The following IQSEC2 variants were observed in gnomAD, a reference collection of about 807,000 sequenced individuals.
IQSEC2 encodes IQ motif and Sec7 domain ArfGEF 2, also known as IQ motif and SEC7 domain-containing protein 2.
Under a neutral mutation model 74.6 loss-of-function variants are expected in IQSEC2, and 6 were observed. The ratio of observed to expected loss-of-function variants is 0.08; its 90% CI spans 0.04 to 0.16. IQSEC2 has a LOEUF of 0.16. Among genes scored for constraint, IQSEC2 ranks in the 10% least tolerant of loss-of-function variants. IQSEC2 has a pLI of 1.00. For missense variants in IQSEC2, 734 were observed against 1,306.2 expected, an observed-to-expected ratio of 0.56 and a Z score of 6.75; for synonymous variants, 494 against 544.5, an observed-to-expected ratio of 0.91 and a Z score of 1.29.
At chrX:53,253,211 G>A (rs1236442335) in intron 4 of IQSEC2, among the ~76,000 whole-genome samples, 2 of 112,114 alleles carry the variant, frequency 1.8e-5, no homozygotes, top group Non-Finnish European at 3.8e-5. Flanking sequence ...TTGGTTTTAG[G>A]AAGAAAACTA....
At chrX:53,266,618 G>A in intron 2 of IQSEC2, 1 of 806,892 alleles carries the variant, frequency 1.2e-6, no homozygotes, top group Non-Finnish European at 1.5e-6. Flanking sequence ...GTCATTTGGA[G>A]ACCTCTCCAG....
chrX:53,228,092 A>G (rs1266169360), downstream of IQSEC2, among the ~76,000 whole-genome samples: 1 of 110,667 alleles, frequency 9.0e-6, no homozygotes, highest in Admixed American at 9.6e-5. Context: ...TCCTTTGTAT[A>G]ATGAAGCTAA....
chrX:53,239,511 A>G (rs782611456), intron 10 of IQSEC2: 103 of 384,375 alleles, frequency 2.7e-4, no homozygotes, highest in Non-Finnish European at 4.4e-4. Context: ...CACGCACCAC[A>G]GACATTTACC....
At chrX:53,241,566 T>C (rs782207427) in intron 10 of IQSEC2, among the ~76,000 whole-genome samples, 14 of 112,009 alleles carry the variant, frequency 1.2e-4, no homozygotes, top group Non-Finnish European at 7.5e-5. Context: ...CCTCATATTT[T>C]CTGTCCCTGT....
At chrX:53,274,342 A>G (rs1032139143) in intron 2 of IQSEC2, among the ~76,000 whole-genome samples, 2 of 110,717 alleles carry the variant, frequency 1.8e-5, no homozygotes, top group Non-Finnish European at 3.8e-5. Flanking sequence ...CCCCATAAAA[A>G]ATGTTACCAA....
chrX:53,287,206 G>A (rs1057242992), intron 2 of IQSEC2, among the ~76,000 whole-genome samples: 1 of 111,945 alleles, frequency 8.9e-6, no homozygotes, highest in African/African-American at 3.2e-5. Context: ...GCTAGCTTGA[G>A]TGGGCTTCCG....
At chrX:53,297,607 A>G (rs2075166359) in intron 1 of IQSEC2, among the ~76,000 whole-genome samples, 1 of 111,689 alleles carries the variant, frequency 9.0e-6, no homozygotes, top group Admixed American at 9.5e-5. Context: ...GATTACAGGC[A>G]TGAGCCACCG....
At chrX:53,245,576 C>T (rs1471527406) in intron 8 of IQSEC2, among the ~76,000 whole-genome samples, 2 of 111,909 alleles carry the variant, frequency 1.8e-5, no homozygotes, top group South Asian at 3.7e-4. Flanking sequence ...GCAGCCACAG[C>T]GGCACAAACC....
intron 1 of IQSEC2, among the ~76,000 whole-genome samples, chrX:53,302,583 G>A (rs2075221290): frequency 9.0e-6 from 1 of 110,686 alleles, no homozygotes; most frequent in African/African-American, 3.3e-5. Context: ...CTGGGCAACA[G>A]AGCACAACCC....
chrX:53,249,768 G>C (rs1266055413), intron 5 of IQSEC2, among the ~76,000 whole-genome samples: 14 of 111,822 alleles, frequency 1.3e-4, no homozygotes, highest in African/African-American at 4.6e-4. Flanking sequence ...CACCTAGAAA[G>C]AGCTTAGTCA....
chrX:53,256,096 G>A, intron 2 of IQSEC2, 35 bp from the exon 3 acceptor site: 1 of 1,133,427 alleles, frequency 8.8e-7, no homozygotes, highest in Non-Finnish European at 1.2e-6. Context: ...CAGGATGTGG[G>A]GACAGGACAG....
At chrX:53,249,143 C>G (rs1410500955) in intron 5 of IQSEC2, among the ~76,000 whole-genome samples, 1 of 111,487 alleles carries the variant, frequency 9.0e-6, no homozygotes, top group Non-Finnish European at 1.9e-5. Flanking sequence ...AGCCACATCA[C>G]AATTGAAAGA....
At chrX:53,266,405 A>C (rs2074657062) in intron 2 of IQSEC2, 1 of 753,808 alleles carries the variant, frequency 1.3e-6, no homozygotes, top group African/African-American at 2.3e-5. Flanking sequence ...CCTCCTGATA[A>C]TATTTACAGA....
chrX:53,302,555 A>T (rs1556875680), intron 1 of IQSEC2, among the ~76,000 whole-genome samples: 1 of 111,913 alleles, frequency 8.9e-6, no homozygotes. Flanking sequence ...AGCTATGATC[A>T]TGCCACTGCA....
chrX:53,248,101 G>A lies in IQSEC2; in HGVS notation c.2582+13C>T. 2.5e-6 allele frequency: 3 copies of A among 1,211,328 alleles called. No homozygotes were observed. The highest frequency in any genetic ancestry group is 3.4e-6 in the Non-Finnish European group (3 of 895,215). On this transcript the variant is annotated intron_variant, in intron 7 of 14. Coordinates refer to ENST00000642864, the MANE Select transcript of IQSEC2 (RefSeq NM_001111125.3). ...GAGGGAGGGGCAGCTTCGCGAGTGG[G>A]AGGTAGGCACACCTGAAGGCTTCGA...
downstream of IQSEC2, chrX:53,230,945 G>T (rs1212968652): frequency 8.9e-6 from 1 of 112,130 alleles, no homozygotes; most frequent in African/African-American, 3.2e-5. Context: ...GGAGAAGAAC[G>T]TAGGAAACAG....
At chrX:53,287,340 C>A (rs145136271) in intron 2 of IQSEC2, among the ~76,000 whole-genome samples, 1 of 112,305 alleles carries the variant, frequency 8.9e-6, no homozygotes, top group African/African-American at 3.2e-5. Flanking sequence ...AATTGTCCAG[C>A]GTTTGTGTTT....
chrX:53,294,950 G>C (rs931417383), intron 1 of IQSEC2, among the ~76,000 whole-genome samples: 1 of 111,851 alleles, frequency 8.9e-6, no homozygotes, highest in African/African-American at 3.3e-5. Flanking sequence ...AGCCTCCTGA[G>C]TAGCTGGGAT....
intron 2 of IQSEC2, among the ~76,000 whole-genome samples, chrX:53,258,390 G>T (rs782820066): frequency 8.9e-6 from 1 of 112,010 alleles, no homozygotes; most frequent in Admixed American, 9.5e-5. Flanking sequence ...CTAACACAGA[G>T]CACACGGCCT....
Sources: allele counts gnomAD v4.1 joint callset (sites outside exome capture counted in the v4.1 genomes callset), GRCh38; gene constraint gnomAD v4.1.1; transcripts MANE v1.5; gene names NCBI Gene and HGNC (gene_info 2026-07-23, HGNC 2026-07-21).